Variants in MGAT4C observed in about 807,000 individuals in gnomAD.
MGAT4C encodes the protein alpha-1,3-mannosyl-glycoprotein 4-beta-N-acetylglucosaminyltransferase C.
MGAT4C carries 19 observed loss-of-function variants against 40.1 expected under a neutral mutation model. The observed-to-expected ratio is 0.47, with a 90% confidence interval of 0.33 to 0.70. The LOEUF (loss-of-function observed/expected upper bound fraction) is 0.70, where lower values mean the gene tolerates loss of function less well. Among genes scored for constraint, MGAT4C ranks in the 30% least tolerant of loss-of-function variants. The pLI is 0.02. For synonymous variants in MGAT4C, 181 were observed against 187.1 expected (o/e 0.97, Z 0.27); for missense variants, 491 against 563.2 (o/e 0.87, Z 1.30).
intron 2 of MGAT4C, among the ~76,000 whole-genome samples, chr12:86,676,497 A>T (rs1364996825): frequency 6.6e-6 from 1 of 152,194 alleles, no homozygotes; most frequent in Admixed American, 6.6e-5. Flanking sequence ...GAAACATTAG[A>T]ACATAATTGT....
intron 1 of MGAT4C, among the ~76,000 whole-genome samples, chr12:86,204,490 CATATT>C (rs1250076290): frequency 1.3e-5 from 2 of 152,032 alleles, no homozygotes; most frequent in African/African-American, 2.4e-5. Flanking sequence ...CATTGATAGA[CATATT>C]ATAAAATTAA....
At chr12:86,108,882 G>C (rs904133948) in intron 1 of MGAT4C, among the ~76,000 whole-genome samples, 1 of 151,918 alleles carries the variant, frequency 6.6e-6, no homozygotes, top group African/African-American at 2.4e-5. Context: ...GTCTGTCTTC[G>C]GTCTTCACCG....
At chr12:86,710,454 T>C (rs975438262) in intron 2 of MGAT4C, among the ~76,000 whole-genome samples, 2 of 152,170 alleles carry the variant, frequency 1.3e-5, no homozygotes, top group African/African-American at 4.8e-5. Context: ...TGAGAAGAGA[T>C]TTGGTTGTAA....
intron 2 of MGAT4C, among the ~76,000 whole-genome samples, chr12:86,026,602 T>G (rs1230686816): frequency 6.6e-6 from 1 of 151,962 alleles, no homozygotes; most frequent in East Asian, 1.9e-4. Context: ...CCTAATTTTT[T>G]GATATAAATA....
Position 86,412,886 on chromosome 12 carries a change from C to T in MGAT4C, c.-120+22271G>A, listed in dbSNP as rs949683439. Among the ~76,000 whole-genome samples the T allele has an allele frequency of 1.1e-4, 17 of 152,144 alleles. 1 individual carries two copies. Among genetic ancestry groups the T allele is most frequent in the Non-Finnish European group, 2.9e-5 (2 of 68,026 alleles). The stretch of plus-strand genomic sequence containing the variant: ...AAGGTGATTGGATCATCAGGGTGGA[C>T]TTCCTCCTTGAGGTTCTCACGATAG... On this transcript the variant is annotated intron_variant, in intron 3 of 7. Transcript: ENST00000548651.
intron 4 of MGAT4C, among the ~76,000 whole-genome samples, chr12:86,271,645 T>C (rs776490707): frequency 1.3e-5 from 2 of 152,184 alleles, no homozygotes; most frequent in Non-Finnish European, 2.9e-5. Context: ...ATCTCATTAC[T>C]TGGGTATCGG....
rs113279575 is a variant in MGAT4C at position 86,689,352 on chromosome 12, C to A, written c.-229+37857G>T. Among the ~76,000 whole-genome samples the A allele has an allele frequency of 1.6e-3, 245 of 152,268 alleles. 2 individuals are homozygous for A. The highest frequency in any genetic ancestry group is 5.7e-3 in the African/African-American group (238 of 41,562). On this transcript the variant is annotated intron_variant, in intron 2 of 7. Transcript: ENST00000548651. ...TCTGAAGACTACTCTGTCAATTTAT[C>A]AAATTCATTCTCCATCCAGTTTTTT...
intron 2 of MGAT4C, among the ~76,000 whole-genome samples, chr12:86,569,344 C>G (rs1223159124): frequency 6.6e-6 from 1 of 151,972 alleles, no homozygotes; most frequent in African/African-American, 2.4e-5. Context: ...CAGCAGAAAA[C>G]CAAATAACCC....
At chr12:86,752,638 C>A (rs1951244297) in intron 1 of MGAT4C, among the ~76,000 whole-genome samples, 1 of 151,978 alleles carries the variant, frequency 6.6e-6, no homozygotes, top group Non-Finnish European at 1.5e-5. Context: ...CATAGGATAT[C>A]TCTCAATTTA....
rs1277463926 is a variant in MGAT4C at position 85,977,948 on chromosome 12, G to A, written c.*1341C>T. ...CTGTTCATTAAAAAACAAAAAGGAA[G>A]AGACAAGCTCAGGACATTCTGAAAA... On this transcript the variant is annotated 3_prime_UTR_variant, in exon 5 of 5. Coordinates refer to ENST00000611864, the MANE Select transcript of MGAT4C (RefSeq NM_001351288.2). The A allele has an allele frequency of 1.3e-5, 2 of 151,372 alleles. No individual in the cohort carries two copies. Among genetic ancestry groups the A allele is most frequent in the Non-Finnish European group, 3.0e-5 (2 of 67,606 alleles). The allele number at this position is 151,372 out of a possible 1,614,324, so 9.4% of individuals were successfully genotyped here.
intron 2 of MGAT4C, among the ~76,000 whole-genome samples, chr12:86,720,001 C>T (rs1321129744): frequency 6.6e-6 from 1 of 152,146 alleles, no homozygotes; most frequent in African/African-American, 2.4e-5. Flanking sequence ...GGATCCTTAA[C>T]AGAGGGCTAT....
At chr12:86,238,835 C>A (rs142658069) in intron 1 of MGAT4C, among the ~76,000 whole-genome samples, 2 of 151,950 alleles carry the variant, frequency 1.3e-5, no homozygotes, top group South Asian at 2.1e-4. Flanking sequence ...ATTATGCAAA[C>A]TCATAGTATT....
chr12:86,369,814 T>C (rs1955682780), intron 3 of MGAT4C, among the ~76,000 whole-genome samples: 1 of 152,034 alleles, frequency 6.6e-6, no homozygotes, highest in African/African-American at 2.4e-5. Flanking sequence ...CCACCTCTTT[T>C]AAATCTTCAA....
At chr12:86,732,828 CAAAAAA>C (rs5799792) in intron 1 of MGAT4C, among the ~76,000 whole-genome samples, 1 of 75,848 alleles carries the variant, frequency 1.3e-5, no homozygotes, top group Non-Finnish European at 2.8e-5. Context: ...TTTTCTCCAG[CAAAAAA>C]AAAAAAAAAA....
intron 2 of MGAT4C, among the ~76,000 whole-genome samples, chr12:86,683,033 T>C (rs1950009219): frequency 6.6e-6 from 1 of 152,144 alleles, no homozygotes; most frequent in African/African-American, 2.4e-5. Context: ...AATATGAAGT[T>C]CAATAAACTA....
At chr12:86,617,881 A>G (rs911437670) in intron 2 of MGAT4C, among the ~76,000 whole-genome samples, 1 of 152,178 alleles carries the variant, frequency 6.6e-6, no homozygotes, top group African/African-American at 2.4e-5. Context: ...GAAACAATCG[A>G]CAATGTGAAG....
At chr12:86,295,072 TATA>T (rs1316141107) in intron 4 of MGAT4C, among the ~76,000 whole-genome samples, 1 of 152,212 alleles carries the variant, frequency 6.6e-6, no homozygotes, top group South Asian at 2.1e-4. Flanking sequence ...AAAATGGTCC[TATA>T]ATAATAATGC....
chr12:85,989,732 T>G (rs1242814292), intron 2 of MGAT4C, among the ~76,000 whole-genome samples, 180 bp from the exon 3 acceptor site: 1 of 152,026 alleles, frequency 6.6e-6, no homozygotes, highest in Non-Finnish European at 1.5e-5. Context: ...TAACATAAGA[T>G]CAATGCAGTG....
intron 1 of MGAT4C, among the ~76,000 whole-genome samples, chr12:86,734,999 G>A (rs147175027): frequency 1.1e-3 from 168 of 152,080 alleles, no homozygotes; most frequent in African/African-American, 3.7e-3. Flanking sequence ...ACTTGGCCGA[G>A]TAAACTTGCT....
Sources: allele counts gnomAD v4.1 joint callset (sites outside exome capture counted in the v4.1 genomes callset), GRCh38; gene constraint gnomAD v4.1.1; transcripts MANE v1.5; gene names NCBI Gene and HGNC (gene_info 2026-07-23, HGNC 2026-07-21).